CAST: variants seen among roughly 807,000 people sequenced by gnomAD.
CAST encodes the protein MIR583 host.
In CAST, 76 loss-of-function variants were observed where a neutral mutation model predicts 119.6. The ratio of observed to expected loss-of-function variants is 0.64; its 90% CI spans 0.53 to 0.77. The LOEUF (loss-of-function observed/expected upper bound fraction) is 0.77. CAST is among the 30% of genes least tolerant of loss of function. The pLI, the probability that CAST is intolerant of heterozygous loss-of-function variation, is 0.00. For synonymous variants in CAST, 319 were observed against 331.6 expected (o/e 0.96, Z 0.41); for missense variants, 953 against 946.5 (o/e 1.01, Z -0.09).
chr5:96,539,124 G>A (rs764293881), intron 1 of CAST, among the ~76,000 whole-genome samples: 1 of 152,258 alleles, frequency 6.6e-6, no homozygotes, highest in Non-Finnish European at 1.5e-5. Context: ...CACAGCAAAT[G>A]TCAAAATATC....
At chr5:96,396,609 T>C in the CAST span, among the ~76,000 whole-genome samples, 1 of 151,888 alleles carries the variant, frequency 6.6e-6, no homozygotes, top group Non-Finnish European at 1.5e-5. Flanking sequence ...ACACTGCTGA[T>C]ATTTATTACA....
At chr5:96,485,032 T>A in the CAST span, among the ~76,000 whole-genome samples, 1 of 152,190 alleles carries the variant, frequency 6.6e-6, no homozygotes, top group Non-Finnish European at 1.5e-5. Context: ...CTTCTACCAC[T>A]TCTTATATTG....
Position 96,577,982 on chromosome 5 carries a change from C to G in CAST, c.60+48102C>G, listed in dbSNP as rs572015219. Among the ~76,000 whole-genome samples, 14 of 152,132 alleles carry G rather than the reference C, an allele frequency of 9.2e-5. 1 individual carries two copies. The South Asian group carries it at 2.9e-3, about 32-fold the overall frequency. On this transcript the variant is annotated intron_variant, in intron 1 of 11. Transcript: ENST00000505143. ...ATTGTGTTGTTCAGATCTTCTATATCCTTGCTGATTTTCTTTCTAGTCTTT... is the reference window on the plus strand; with the variant it reads ...ATTGTGTTGTTCAGATCTTCTATATGCTTGCTGATTTTCTTTCTAGTCTTT...
the CAST span, among the ~76,000 whole-genome samples, chr5:96,006,447 G>T: frequency 9.2e-5 from 14 of 152,156 alleles, no homozygotes; most frequent in East Asian, 2.5e-3. Flanking sequence ...AAGCCATCCT[G>T]TCCAAGCCCA....
At chr5:96,743,187 CAAATT>C (rs1763042397) in intron 16 of CAST, among the ~76,000 whole-genome samples, 1 of 152,106 alleles carries the variant, frequency 6.6e-6, no homozygotes, top group Non-Finnish European at 1.5e-5. Flanking sequence ...AATTTTGTCT[CAAATT>C]AAAATCAAGC....
chr5:96,273,596 C>T, the CAST span, among the ~76,000 whole-genome samples: 1 of 152,204 alleles, frequency 6.6e-6, no homozygotes, highest in African/African-American at 2.4e-5. Context: ...ATATTGCTGA[C>T]TGAACCTTCT....
chr5:96,582,447 A>C (rs552155269), intron 1 of CAST, among the ~76,000 whole-genome samples: 1 of 152,372 alleles, frequency 6.6e-6, no homozygotes, highest in South Asian at 2.1e-4. Flanking sequence ...GTTGAAAGTG[A>C]CTAATTTATG....
At chr5:96,224,462 A>G in the CAST span, among the ~76,000 whole-genome samples, 5 of 152,090 alleles carry the variant, frequency 3.3e-5, no homozygotes, top group African/African-American at 4.8e-5. Context: ...CCTAAATCTA[A>G]TCAATCACAC....
the CAST span, among the ~76,000 whole-genome samples, chr5:96,005,016 A>G: frequency 2.6e-5 from 4 of 152,236 alleles, no homozygotes; most frequent in Admixed American, 6.5e-5. Flanking sequence ...CAATGGAGTA[A>G]TGCCTCTAGA....
At chr5:96,370,238 T>C in the CAST span, among the ~76,000 whole-genome samples, 1 of 151,968 alleles carries the variant, frequency 6.6e-6, no homozygotes, top group African/African-American at 2.4e-5. Context: ...TTACACAATA[T>C]TAGGCAGTAC....
intron 31 of CAST, chr5:96,772,105 G>A (rs367559234): frequency 3.2e-4 from 50 of 155,262 alleles, no homozygotes; most frequent in Non-Finnish European, 6.1e-4. Flanking sequence ...ACATGGTGGG[G>A]TGGGGAGAAG....
At chr5:96,266,488 G>T in the CAST span, among the ~76,000 whole-genome samples, 1 of 152,158 alleles carries the variant, frequency 6.6e-6, no homozygotes, top group African/African-American at 2.4e-5. Flanking sequence ...TGGACCAAAG[G>T]AGACACCAAA....
chr5:96,290,204 C>T, the CAST span, among the ~76,000 whole-genome samples: 8 of 152,060 alleles, frequency 5.3e-5, no homozygotes, highest in Admixed American at 1.3e-4. Flanking sequence ...CATCTTTCCA[C>T]GGTTATATAA....
the CAST span, among the ~76,000 whole-genome samples, chr5:96,232,908 G>C: frequency 6.6e-6 from 1 of 152,014 alleles, no homozygotes; most frequent in Non-Finnish European, 1.5e-5. Context: ...AATGCACAAA[G>C]TGTATAGCAA....
chr5:96,034,556 A>G, the CAST span, among the ~76,000 whole-genome samples: 1 of 150,890 alleles, frequency 6.6e-6, no homozygotes, highest in Middle Eastern at 3.4e-3. Flanking sequence ...ATATATATAT[A>G]ATGGAATGCC....
chr5:96,695,982 G>T (rs778126360), intron 3 of CAST, 75 bp downstream of exon 3: 2 of 932,624 alleles, frequency 2.1e-6, no homozygotes, highest in Non-Finnish European at 3.3e-6. Context: ...GGGCCTGTAG[G>T]AATGGCAAAC....
At chr5:96,089,689 A>T in the CAST span, among the ~76,000 whole-genome samples, 1 of 152,236 alleles carries the variant, frequency 6.6e-6, no homozygotes, top group African/African-American at 2.4e-5. Context: ...CTTTCTTGAC[A>T]TACTATTACC....
chr5:96,399,214 G>GT, the CAST span, among the ~76,000 whole-genome samples: 1 of 152,140 alleles, frequency 6.6e-6, no homozygotes, highest in Non-Finnish European at 1.5e-5. Context: ...TAAGAAAATG[G>GT]TAAGGGGCAC....
rs551234374 is a variant in CAST at position 96,650,667 on chromosome 5, C to T, written c.61-24872C>T. ...AGCTCTCCCCTTCACTTTCTCTACC[C>T]GGCAGCCTAAGATGTACTTTCCATA... On this transcript the variant is annotated intron_variant, in intron 1 of 11. Transcript: ENST00000505143. Among the ~76,000 whole-genome samples the T allele has an allele frequency of 4.7e-4, 72 of 151,922 alleles. 1 individual carries two copies. Among genetic ancestry groups the T allele is most frequent in the African/African-American group, 1.6e-3 (68 of 41,400 alleles).
Sources: gnomAD v4.1 joint callset for allele counts (sites outside exome capture counted in the v4.1 genomes callset) on GRCh38, gnomAD v4.1.1 for gene constraint, MANE v1.5 for transcripts, NCBI Gene and HGNC (gene_info 2026-07-23, HGNC 2026-07-21) for gene names.